The following SLCO2A1 variants were observed in gnomAD, a reference collection of about 807,000 sequenced individuals.
The protein encoded by SLCO2A1 is solute carrier organic anion transporter family member 2A1, also known as matrin F/G 1.
A neutral mutation model predicts 71.7 loss-of-function variants in SLCO2A1; 60 were observed. The observed-to-expected ratio is 0.84, with a 90% CI of 0.68 to 1.04. SLCO2A1 has a LOEUF of 1.04. SLCO2A1 is among the 50% of genes least tolerant of loss of function. The probability of loss-of-function intolerance (pLI) is 0.00; values close to 1 mark genes in which losing one functional copy is unlikely to be tolerated. For missense variants in SLCO2A1, 745 were observed against 813.4 expected, an observed-to-expected ratio of 0.92 and a Z score of 1.02; for synonymous variants, 308 against 326.7, an observed-to-expected ratio of 0.94 and a Z score of 0.62.
intron 1 of SLCO2A1, among the ~76,000 whole-genome samples, chr3:133,989,370 A>AACTCAT (rs1934787153): frequency 1.3e-5 from 2 of 152,308 alleles, no homozygotes; most frequent in Non-Finnish European, 2.9e-5. Context: ...TCAAAATGCC[A>AACTCAT]AGGACCTGGA....
chr3:133,970,824 C>A (rs1406219067), intron 3 of SLCO2A1, among the ~76,000 whole-genome samples: 1 of 152,276 alleles, frequency 6.6e-6, no homozygotes, highest in African/African-American at 2.4e-5. Flanking sequence ...TGCGCCCCTG[C>A]AGCCTTGAGA....
chr3:133,952,315 C>T (rs187400469), intron 5 of SLCO2A1, among the ~76,000 whole-genome samples: 11 of 152,296 alleles, frequency 7.2e-5, no homozygotes, highest in South Asian at 4.2e-4. Flanking sequence ...GTCTTAGGGA[C>T]GGGAGTCTAG....
intron 1 of SLCO2A1, among the ~76,000 whole-genome samples, chr3:134,019,511 A>C (rs1935525618): frequency 6.6e-6 from 1 of 152,210 alleles, no homozygotes; most frequent in South Asian, 2.1e-4. Flanking sequence ...TTGTTGAAGC[A>C]AGAATTGATC....
At chr3:134,009,641 T>C (rs1443734877) in intron 1 of SLCO2A1, among the ~76,000 whole-genome samples, 1 of 152,204 alleles carries the variant, frequency 6.6e-6, no homozygotes, top group East Asian at 1.9e-4. Context: ...AGCTGGAGTG[T>C]GCGTCTAGGC....
Position 134,029,693 on chromosome 3 carries a change from C to T in SLCO2A1, c.96+14G>A, listed in dbSNP as rs769454041. On this transcript the variant is annotated intron_variant, in intron 1 of 13. Transcript: ENST00000310926. ...CGCGGCTCCGGCCCGGAAGACCCCG[C>T]GGACTCCGCTCACCTTAATGTTGCC... The T allele has an allele frequency of 1.9e-6, 3 of 1,569,182 alleles. No individual in the cohort carries two copies. The highest frequency in any genetic ancestry group is 1.7e-6 in the Non-Finnish European group (2 of 1,162,412).
intron 3 of SLCO2A1, among the ~76,000 whole-genome samples, chr3:133,968,761 G>A (rs1477358572): frequency 3.9e-5 from 6 of 152,312 alleles, no homozygotes; most frequent in East Asian, 1.9e-4. Flanking sequence ...CTGGTCTCAC[G>A]TTGGCCAGTT....
intron 1 of SLCO2A1, among the ~76,000 whole-genome samples, chr3:134,015,659 T>C (rs1043038308): frequency 3.3e-5 from 5 of 152,176 alleles, no homozygotes; most frequent in Non-Finnish European, 7.3e-5. Context: ...TCACGCCACA[T>C]TGCACAGATT....
At chr3:134,016,347 A>G (rs1471701894) in intron 1 of SLCO2A1, among the ~76,000 whole-genome samples, 1 of 152,114 alleles carries the variant, frequency 6.6e-6, no homozygotes, top group African/African-American at 2.4e-5. Context: ...TAAAAAAAAA[A>G]GATTACAATT....
At chr3:133,962,566 A>G (rs1428143724) in intron 3 of SLCO2A1, among the ~76,000 whole-genome samples, 3 of 152,196 alleles carry the variant, frequency 2.0e-5, no homozygotes, top group Non-Finnish European at 4.4e-5. Flanking sequence ...TTGATAATGG[A>G]CAGCCTCTGG....
chr3:133,977,534 C>T (rs904165497), intron 2 of SLCO2A1, among the ~76,000 whole-genome samples: 2 of 152,130 alleles, frequency 1.3e-5, no homozygotes, highest in Admixed American at 6.6e-5. Context: ...ACCACCTGGG[C>T]TGAGGTGAAG....
Position 133,934,636 on chromosome 3 carries a change from T to C in SLCO2A1, c.*77A>G. The C allele has an allele frequency of 1.0e-6, 1 of 989,628 alleles. No individual in the cohort carries two copies. The highest frequency in any genetic ancestry group is 1.6e-6 in the Non-Finnish European group (1 of 638,246). 61.3% of individuals were successfully genotyped at this position (989,628 alleles called of 1,614,324 possible). Reference sequence around the variant, plus strand: ...AAAAATACAAAAAGGAAATGACGTGTTAACATTAGTGAGTATAGGCAGGTG... The same window carrying C: ...AAAAATACAAAAAGGAAATGACGTGCTAACATTAGTGAGTATAGGCAGGTG... On this transcript the variant is annotated 3_prime_UTR_variant, in exon 14 of 14. Coordinates refer to ENST00000310926, the MANE Select transcript of SLCO2A1 (RefSeq NM_005630.3).
chr3:133,953,122 T>C (rs1414253318), intron 5 of SLCO2A1, among the ~76,000 whole-genome samples: 1 of 152,086 alleles, frequency 6.6e-6, no homozygotes, highest in African/African-American at 2.4e-5. Flanking sequence ...CTGCAAGCTC[T>C]GCCTCCCAGG....
intron 3 of SLCO2A1, 26 bp downstream of exon 3, chr3:133,973,637 T>G: frequency 6.2e-7 from 1 of 1,610,468 alleles, no homozygotes; most frequent in South Asian, 1.1e-5. Context: ...CCTTACCCCT[T>G]GAGGCAGGGG....
At chr3:133,998,484 C>A (rs558357692) in intron 1 of SLCO2A1, among the ~76,000 whole-genome samples, 1 of 151,090 alleles carries the variant, frequency 6.6e-6, no homozygotes, top group South Asian at 2.1e-4. Flanking sequence ...CATTCCCAGG[C>A]GCTCCTGTCC....
Position 133,947,255 on chromosome 3 carries a change from C to T in SLCO2A1, c.1295+1G>A, listed in dbSNP as rs1933604994. 2 of 1,613,408 alleles carry T rather than the reference C, an allele frequency of 1.2e-6. No homozygotes were observed. The highest frequency in any genetic ancestry group is 1.7e-6 in the Non-Finnish European group (2 of 1,179,452). On this transcript the variant is annotated splice_donor_variant, in intron 9 of 13. Coordinates refer to ENST00000310926, the MANE Select transcript of SLCO2A1 (RefSeq NM_005630.3). LOFTEE classifies it high-confidence loss of function. ...ATCTCTCTACCCCTTATTCCCATTA[C>T]CTAGGGGGGTAGACTTCGGCCACAG...
At position 134,017,001 on chromosome 3, in the gene SLCO2A1, GA is replaced by G. The variant is rs1435288414; in HGVS notation, c.96+12705del. 9.9e-5 allele frequency among the ~76,000 whole-genome samples: 15 copies of G among 152,228 alleles called. No individual in the cohort carries two copies. In the East Asian group the frequency reaches 2.5e-3, roughly 25 times the overall value. ...AAGTGACAAGATTATACAGGTGGAG[GA>G]CAGATTAGTGGTTACCAGGGGTTAG... On this transcript the variant is annotated intron_variant, in intron 1 of 13. Coordinates refer to ENST00000310926, the MANE Select transcript of SLCO2A1 (RefSeq NM_005630.3).
intron 1 of SLCO2A1, chr3:133,998,753 C>T (rs1002704681): frequency 1.3e-5 from 2 of 152,266 alleles, no homozygotes; most frequent in African/African-American, 4.8e-5. Context: ...GACATTTCTC[C>T]ACCGACCAGT....
intron 1 of SLCO2A1, among the ~76,000 whole-genome samples, chr3:134,029,417 T>C (rs184216107): frequency 9.2e-5 from 14 of 152,152 alleles, no homozygotes; most frequent in Admixed American, 6.5e-4. Flanking sequence ...GTTGTCCGAG[T>C]AAGCGGTAAG....
chr3:134,023,544 T>C (rs1308402177), intron 1 of SLCO2A1, among the ~76,000 whole-genome samples: 1 of 152,166 alleles, frequency 6.6e-6, no homozygotes, highest in Admixed American at 6.5e-5. Flanking sequence ...TGCCCCCCGA[T>C]GTAGAGCTTT....
Sources: gnomAD v4.1 joint callset for allele counts (sites outside exome capture counted in the v4.1 genomes callset) on GRCh38, gnomAD v4.1.1 for gene constraint, MANE v1.5 for transcripts, NCBI Gene and HGNC (gene_info 2026-07-23, HGNC 2026-07-21) for gene names.